CTDSPL2: variants seen among roughly 807,000 people sequenced by gnomAD.
The protein encoded by CTDSPL2 is CTD small phosphatase like 2, also known as CTD small phosphatase-like protein 2.
A neutral mutation model predicts 60.0 loss-of-function variants in CTDSPL2; 5 were observed. That is an observed-to-expected ratio of 0.08 (90% CI 0.04 to 0.18). The LOEUF (loss-of-function observed/expected upper bound fraction) is 0.18, where lower values mean the gene tolerates loss of function less well. Among genes scored for constraint, CTDSPL2 ranks in the 10% least tolerant of loss-of-function variants. CTDSPL2 has a pLI of 1.00. For missense variants in CTDSPL2, 370 were observed against 548.8 expected, an observed-to-expected ratio of 0.67 and a Z score of 3.26; for synonymous variants, 186 against 189.3, an observed-to-expected ratio of 0.98 and a Z score of 0.14.
At chr15:44,519,098 A>G (rs1303508803) in intron 10 of CTDSPL2, 71 bp from the exon 11 acceptor site, 14 of 1,020,628 alleles carry the variant, frequency 1.4e-5, no homozygotes, top group South Asian at 2.5e-5. Context: ...CCTATGGTGT[A>G]TATATATGTG....
At chr15:44,428,518 G>A (rs1330729749) in intron 1 of CTDSPL2, among the ~76,000 whole-genome samples, 1 of 152,176 alleles carries the variant, frequency 6.6e-6, no homozygotes, top group African/African-American at 2.4e-5. Context: ...CACCCTAGTG[G>A]TGGCTGGATG....
chr15:44,483,538 CA>C lies in CTDSPL2; in HGVS notation c.187-673del, dbSNP rs901980878. ...GGGCAACAGAGGAAAAACTCTGTCT[CA>C]AAAAAAAAAAAATTTACAAATTAGA... On this transcript the variant is annotated intron_variant, in intron 2 of 12. Transcript: ENST00000260327. 5.7e-3 allele frequency among the ~76,000 whole-genome samples: 757 copies of C among 133,622 alleles called. 5 individuals are homozygous for C. Among genetic ancestry groups the C allele is most frequent in the African/African-American group, 0.016 (565 of 36,416 alleles). 87.7% of individuals were successfully genotyped at this position (133,622 alleles called of 152,430 possible).
chr15:44,446,202 G>C (rs1341756750), intron 1 of CTDSPL2, among the ~76,000 whole-genome samples: 1 of 152,054 alleles, frequency 6.6e-6, no homozygotes, highest in Non-Finnish European at 1.5e-5. Flanking sequence ...GGGATTACAG[G>C]TATGAACCAC....
intron 1 of CTDSPL2, among the ~76,000 whole-genome samples, chr15:44,449,748 G>C (rs1435084235): frequency 6.6e-6 from 1 of 152,272 alleles, no homozygotes; most frequent in African/African-American, 2.4e-5. Context: ...CCAGCACTTT[G>C]GGAGGCTGAG....
chr15:44,465,953 T>TA (rs1228076263), intron 2 of CTDSPL2, among the ~76,000 whole-genome samples: 3 of 148,414 alleles, frequency 2.0e-5, no homozygotes, highest in Non-Finnish European at 4.4e-5. Context: ...TTTTTTTTTT[T>TA]AAAGACGGAG....
chr15:44,433,283 C>G (rs974787157), intron 1 of CTDSPL2, among the ~76,000 whole-genome samples: 7 of 147,072 alleles, frequency 4.8e-5, no homozygotes, highest in African/African-American at 1.8e-4. Context: ...CCATCCATTG[C>G]ACTCCAGTCT....
chr15:44,476,831 A>G (rs946413259), intron 2 of CTDSPL2, among the ~76,000 whole-genome samples: 3 of 152,210 alleles, frequency 2.0e-5, no homozygotes, highest in Non-Finnish European at 2.9e-5. Flanking sequence ...TTTATATAGA[A>G]AAATTTTGAA....
In CTDSPL2 at chr15:44,526,596, TGA is replaced by T. The variant is rs969107797; in HGVS notation, c.*2424_*2425del. 1.5e-4 allele frequency: 23 copies of T among 152,174 alleles called. No homozygotes were observed. The highest frequency in any genetic ancestry group is 5.5e-4 in the African/African-American group (23 of 41,466). The allele number at this position is 152,174 out of a possible 1,614,324, so 9.4% of individuals were successfully genotyped here. On this transcript the variant is annotated 3_prime_UTR_variant, in exon 13 of 13. Coordinates refer to ENST00000260327, the MANE Select transcript of CTDSPL2 (RefSeq NM_016396.3). ...ATATATTTTTCTTTGTTATTTTATT[TGA>T]GTCATTTTAAATTTGTTAATACAAA...
chr15:44,525,537 G>A lies in CTDSPL2; in HGVS notation c.*1363G>A, dbSNP rs538842948. The A allele has an allele frequency of 1.2e-3, 461 of 398,642 alleles. 1 individual carries two copies. Among genetic ancestry groups the A allele is most frequent in the Non-Finnish European group, 1.3e-3 (296 of 225,842 alleles). The allele number at this position is 398,642 out of a possible 1,614,324, so 24.7% of individuals were successfully genotyped here. A position where few individuals can be genotyped will look rare whatever the true frequency, so the allele number is the denominator to read the frequency against. On this transcript the variant is annotated 3_prime_UTR_variant, in exon 13 of 13. Transcript: ENST00000260327. ...TTTTGTGTAAAGGATGTCAAAGAAC[G>A]GCACTTTTTCTAAAGAGAAGTTTGA...
chr15:44,479,050 T>G (rs556530746), intron 2 of CTDSPL2, among the ~76,000 whole-genome samples: 8 of 151,510 alleles, frequency 5.3e-5, no homozygotes, highest in Admixed American at 1.3e-4. Flanking sequence ...ATGTCTGTCT[T>G]CATTTCTTTA....
intron 2 of CTDSPL2, among the ~76,000 whole-genome samples, chr15:44,475,017 C>G (rs1269433264): frequency 1.3e-5 from 2 of 152,068 alleles, no homozygotes; most frequent in African/African-American, 4.8e-5. Flanking sequence ...GGATTCACCA[C>G]TTTTGTTTGT....
intron 2 of CTDSPL2, among the ~76,000 whole-genome samples, chr15:44,474,554 TG>T (rs1281066375): frequency 6.6e-6 from 1 of 152,006 alleles, no homozygotes. Flanking sequence ...TTGCTAAACG[TG>T]GCTATAAAGA....
At chr15:44,474,712 C>T (rs1240004252) in intron 2 of CTDSPL2, among the ~76,000 whole-genome samples, 12 of 151,764 alleles carry the variant, frequency 7.9e-5, no homozygotes, top group Admixed American at 2.6e-4. Context: ...AAAAATTAAC[C>T]GGGCATGGTG....
At chr15:44,510,287 C>T (rs1297051087) in intron 8 of CTDSPL2, among the ~76,000 whole-genome samples, 1 of 152,084 alleles carries the variant, frequency 6.6e-6, no homozygotes, top group Non-Finnish European at 1.5e-5. Context: ...CGTGAGCCAC[C>T]ATGCCTGGCA....
chr15:44,473,575 G>A (rs867544238), intron 2 of CTDSPL2, among the ~76,000 whole-genome samples: 6 of 151,994 alleles, frequency 3.9e-5, no homozygotes, highest in South Asian at 2.1e-4. Flanking sequence ...GATTACAGGC[G>A]TGAACCACTG....
intron 1 of CTDSPL2, 22 bp downstream of exon 1, chr15:44,427,794 C>G: frequency 2.5e-6 from 1 of 398,752 alleles, no homozygotes; most frequent in Non-Finnish European, 4.4e-6. Context: ...CGTCCAGACG[C>G]CGCCGCTGCT....
At chr15:44,482,304 A>G (rs1010967074) in intron 2 of CTDSPL2, among the ~76,000 whole-genome samples, 18 of 152,228 alleles carry the variant, frequency 1.2e-4, no homozygotes, top group African/African-American at 3.4e-4. Context: ...CCCAGCTCCA[A>G]TCATTGTTTT....
intron 2 of CTDSPL2, among the ~76,000 whole-genome samples, chr15:44,459,948 C>G (rs556749784): frequency 6.6e-6 from 1 of 152,196 alleles, no homozygotes; most frequent in South Asian, 2.1e-4. Flanking sequence ...ACTCCAGATT[C>G]ATATTCTGGA....
chr15:44,475,531 C>T (rs959476611), intron 2 of CTDSPL2, among the ~76,000 whole-genome samples: 3 of 151,582 alleles, frequency 2.0e-5, no homozygotes, highest in African/African-American at 4.9e-5. Flanking sequence ...CCCAGCTACT[C>T]GGGAGGCTGA....
Sources: gnomAD v4.1 joint callset for allele counts (sites outside exome capture counted in the v4.1 genomes callset) on GRCh38, gnomAD v4.1.1 for gene constraint, MANE v1.5 for transcripts, NCBI Gene and HGNC (gene_info 2026-07-23, HGNC 2026-07-21) for gene names.